Variants in PHLDB3 observed in about 807,000 individuals in gnomAD.
The protein encoded by PHLDB3 is pleckstrin homology like domain family B member 3.
In PHLDB3, 86 loss-of-function variants were observed where a neutral mutation model predicts 85.7. The ratio of observed to expected loss-of-function variants is 1.00; its 90% CI spans 0.84 to 1.20. The LOEUF (loss-of-function observed/expected upper bound fraction) is 1.20, where lower values mean the gene tolerates loss of function less well. Ranked by LOEUF, PHLDB3 falls within the 50% of genes most tolerant of loss-of-function variation. The pLI is 0.00. For synonymous variants in PHLDB3, 376 were observed against 349.8 expected (o/e 1.07, Z -0.83); for missense variants, 995 against 873.0 (o/e 1.14, Z -1.76).
At chr19:43,498,498 A>G (rs187769210) in intron 4 of PHLDB3, among the ~76,000 whole-genome samples, 107 of 151,972 alleles carry the variant, frequency 7.0e-4, no homozygotes, top group African/African-American at 2.5e-3. Flanking sequence ...GGAAGGAAGG[A>G]ATGATGGAAG....
chr19:43,480,922 G>A (rs1971032178), intron 13 of PHLDB3, among the ~76,000 whole-genome samples: 1 of 152,180 alleles, frequency 6.6e-6, no homozygotes. Flanking sequence ...GAGCTGGTCT[G>A]ATCCAACCTA....
intron 4 of PHLDB3, among the ~76,000 whole-genome samples, chr19:43,500,923 C>CCCCCA (rs1555757872): frequency 9.4e-6 from 1 of 105,856 alleles, no homozygotes; most frequent in Non-Finnish European, 2.2e-5. Context: ...CCCCCCCACC[C>CCCCCA]CGCAAGTACT....
chr19:43,489,580 C>T (rs1971266414), intron 9 of PHLDB3, among the ~76,000 whole-genome samples: 1 of 151,990 alleles, frequency 6.6e-6, no homozygotes, highest in Admixed American at 6.6e-5. Context: ...AATATCCTCC[C>T]ACACCATGTG....
intron 1 of PHLDB3, 164 bp from the exon 2 acceptor site, chr19:43,504,296 G>A: frequency 1.5e-6 from 1 of 688,160 alleles, no homozygotes; most frequent in Non-Finnish European, 2.4e-6. Context: ...AGTTTCCAGA[G>A]GCGGGGCTTG....
intron 4 of PHLDB3, among the ~76,000 whole-genome samples, chr19:43,501,374 G>T (rs1043402570): frequency 6.6e-6 from 1 of 151,838 alleles, no homozygotes; most frequent in Admixed American, 6.6e-5. Context: ...AAGCAGAGAC[G>T]GGGTTTCGCC....
chr19:43,491,748 C>G (rs905832192), intron 9 of PHLDB3, among the ~76,000 whole-genome samples: 1 of 150,860 alleles, frequency 6.6e-6, no homozygotes, highest in Non-Finnish European at 1.5e-5. Flanking sequence ...CTCACTGCAA[C>G]CTCCGCCTCC....
chr19:43,502,006 A>C (rs896481733), intron 3 of PHLDB3, 95 bp downstream of exon 3: 128 of 1,497,462 alleles, frequency 8.5e-5, no homozygotes, highest in Non-Finnish European at 1.1e-4. Context: ...CGGAGGGCCT[A>C]AAATCTGATC....
Position 43,486,629 on chromosome 19 carries a change from C to T in PHLDB3, c.1408G>A (p.Glu470Lys), listed in dbSNP as rs1229029813. 2.5e-6 allele frequency: 4 copies of T among 1,613,570 alleles called. No individual in the cohort carries two copies. Among genetic ancestry groups the T allele is most frequent in the South Asian group, 2.2e-5 (2 of 91,042 alleles). Residue 470 changes from glutamate (E) to lysine (K), a missense_variant, in exon 12 of 16, where the codon GAG becomes AAG. Transcript: ENST00000292140. ...RLLQQAMAERERLLKAREGTR... is the reference protein window; with the variant it reads ...RLLQQAMAERKRLLKAREGTR... ...CTCACCCGGGCCTTGAGCAGCCGCT[C>T]CCTCTCCGCCATGGCCTGCTGCAGG...
Position 43,497,144 on chromosome 19 carries a change from G to T in PHLDB3, c.799C>A (p.Leu267Ile), listed in dbSNP as rs1217016985. The T allele has an allele frequency of 5.2e-6, 8 of 1,550,056 alleles. No homozygotes were observed. The highest frequency in any genetic ancestry group is 6.9e-6 in the Non-Finnish European group (8 of 1,152,296). ...CTGTGCTGCGCCATGCTGGCCTGGA[G>T]TTCCTGGACCTTGGGGTCTGGCACC... is the stretch of plus-strand genomic sequence containing the variant. ...PQVPDPKVQE[L>I]QASMAQHRRG... Residue 267 changes from leucine (L) to isoleucine (I), a missense_variant, in exon 6 of 16, where the codon CTC (leucine) becomes ATC (isoleucine). Coordinates refer to ENST00000292140, the MANE Select transcript of PHLDB3 (RefSeq NM_198850.4).
rs1437299670 is a variant in PHLDB3 at position 43,475,472 on chromosome 19, C to T, written c.1861G>A (p.Glu621Lys). Residue 621 changes from glutamate to lysine, a missense_variant, in exon 16 of 16, where the codon GAA becomes AAA. By Grantham distance (56) the Glu-to-Lys change is moderately conservative (BLOSUM62 1). Transcript: ENST00000292140. ...RLFYMVAPSPEAMRIWMDVIV... is the reference protein window; with the variant it reads ...RLFYMVAPSPKAMRIWMDVIV... ...ACGTCCATCCAAATGCGCATGGCTTCGGGGCTCGGAGCCACCATGTAGAAA... is the reference window on the plus strand; with the variant it reads ...ACGTCCATCCAAATGCGCATGGCTTTGGGGCTCGGAGCCACCATGTAGAAA... The T allele has an allele frequency of 1.1e-5, 18 of 1,613,876 alleles. No homozygotes were observed. Among genetic ancestry groups the T allele is most frequent in the Non-Finnish European group, 1.4e-5 (16 of 1,179,842 alleles).
chr19:43,476,776 C>G (rs973893196), intron 15 of PHLDB3, among the ~76,000 whole-genome samples: 5 of 152,126 alleles, frequency 3.3e-5, no homozygotes, highest in Non-Finnish European at 2.9e-5. Context: ...TTTGGTTATT[C>G]TCCACAGAGC....
In PHLDB3 at chr19:43,478,931, A is replaced by G. The variant is rs540889062; in HGVS notation, c.1702+446T>C. Among the ~76,000 whole-genome samples the G allele has an allele frequency of 7.2e-5, 11 of 152,100 alleles. No homozygotes were observed. The East Asian group carries it at 2.1e-3, about 30-fold the overall frequency. On this transcript the variant is annotated intron_variant, in intron 14 of 15. Coordinates refer to ENST00000292140, the MANE Select transcript of PHLDB3 (RefSeq NM_198850.4). ...CTCTGTCTCCAAAAAACAAAAACAA[A>G]AACAAAAACAAAAAAAAGTGTCCAA...
In PHLDB3 at chr19:43,475,287, T is replaced by C. The variant is rs2599437; in HGVS notation, c.*123A>G. On this transcript the variant is annotated 3_prime_UTR_variant, in exon 16 of 16. Coordinates refer to ENST00000292140, the MANE Select transcript of PHLDB3 (RefSeq NM_198850.4). ...CAGCTGAACTGCCGCGCCTGCGGAA[T>C]TCCCGGGAGAGTTCCAAAGCGGTGC... is the stretch of plus-strand genomic sequence containing the variant. The C allele has an allele frequency of 0.3, 400,885 of 1,332,730 alleles. 62,438 individuals carry two copies. The highest frequency in any genetic ancestry group is 0.44 in the African/African-American group (29,847 of 67,674). The allele number at this position is 1,332,730 out of a possible 1,614,324, so 82.6% of individuals were successfully genotyped here.
intron 6 of PHLDB3, 167 bp from the exon 7 acceptor site, chr19:43,495,787 C>G: frequency 1.1e-6 from 1 of 926,322 alleles, no homozygotes; most frequent in South Asian, 1.8e-5. Flanking sequence ...GGACCCTCTT[C>G]CCTTTTGAGG....
At position 43,501,854 on chromosome 19, in the gene PHLDB3, G is replaced by A. The variant is rs1971610529; in HGVS notation, c.414C>T (p.Ala138=). ...ELRIEMEVEV[A]LLRGELAGER... is the part of the protein sequence containing the mutation. ...CCCCAGCCAGCTCACCCCGCAGCAAGGCCACCTCCACCTCCATCTGCGGAG... is the reference window on the plus strand; with the variant it reads ...CCCCAGCCAGCTCACCCCGCAGCAAAGCCACCTCCACCTCCATCTGCGGAG... Residue 138 remains alanine, a synonymous_variant, in exon 4 of 16, where the codon GCC becomes GCT. Transcript: ENST00000292140. 1 of 1,593,472 alleles carries A rather than the reference G, an allele frequency of 6.3e-7. No individual in the cohort carries two copies. The highest frequency in any genetic ancestry group is 8.5e-7 in the Non-Finnish European group (1 of 1,170,524).
At chr19:43,480,844 G>C (rs900186142) in intron 13 of PHLDB3, among the ~76,000 whole-genome samples, 4 of 152,094 alleles carry the variant, frequency 2.6e-5, no homozygotes, top group Non-Finnish European at 4.4e-5. Context: ...CACCTCAGAT[G>C]GTCATACAGG....
intron 5 of PHLDB3, 31 bp from the exon 6 acceptor site, chr19:43,497,310 C>G: frequency 1.4e-6 from 2 of 1,385,964 alleles, no homozygotes; most frequent in East Asian, 2.8e-5. Context: ...AGGGTGGAGG[C>G]CTGAATCCCT....
At chr19:43,502,002 G>A in intron 3 of PHLDB3, 99 bp downstream of exon 3, 2 of 1,493,692 alleles carry the variant, frequency 1.3e-6, no homozygotes. Flanking sequence ...AGAGCGGAGG[G>A]CCTAAAATCT....
In PHLDB3 at chr19:43,503,280, GTCTCTC is replaced by G. The variant is rs57901463; in HGVS notation, c.213+620_213+625del. Among the ~76,000 whole-genome samples, 1,081 of 141,976 alleles carry G rather than the reference GTCTCTC, an allele frequency of 7.6e-3. 10 individuals are homozygous for G. Among genetic ancestry groups the G allele is most frequent in the African/African-American group, 0.023 (886 of 37,934 alleles). 93.1% of individuals were successfully genotyped at this position (141,976 alleles called of 152,430 possible). A position where few individuals can be genotyped will look rare whatever the true frequency, so the allele number is the denominator to read the frequency against. ...GTAGTCTCTCCTGTCTGTCTATCTG[GTCTCTC>G]TCTCTCTCTCTCTCTCTCTCTCTCT... On this transcript the variant is annotated intron_variant, in intron 2 of 15. Transcript: ENST00000292140.
Sources: allele counts gnomAD v4.1 joint callset (sites outside exome capture counted in the v4.1 genomes callset), GRCh38; gene constraint gnomAD v4.1.1; transcripts MANE v1.5; gene names NCBI Gene and HGNC (gene_info 2026-07-23, HGNC 2026-07-21).